The following POC1A variants were observed in gnomAD, a reference collection of about 807,000 sequenced individuals.
The protein encoded by POC1A is POC1 centriolar protein homolog A.
A neutral mutation model predicts 47.8 loss-of-function variants in POC1A; 34 were observed. The ratio of observed to expected loss-of-function variants is 0.71; its 90% CI spans 0.54 to 0.95. The LOEUF is 0.95. POC1A is among the 40% of genes least tolerant of loss of function. The probability of loss-of-function intolerance (pLI) is 0.00; values close to 1 mark genes in which losing one functional copy is unlikely to be tolerated. For missense variants in POC1A, 466 were observed against 528.3 expected, an observed-to-expected ratio of 0.88 and a Z score of 1.16; for synonymous variants, 177 against 207.6, an observed-to-expected ratio of 0.85 and a Z score of 1.27.
At chr3:52,125,328 G>T (rs766537972) in intron 7 of POC1A, 147 bp from the exon 8 acceptor site, 23 of 643,810 alleles carry the variant, frequency 3.6e-5, no homozygotes, top group Non-Finnish European at 5.6e-5. Context: ...GTAACCTGTA[G>T]CCCAGGAGCC....
At chr3:52,120,989 G>A (rs1703760624) in intron 9 of POC1A, among the ~76,000 whole-genome samples, 1 of 152,244 alleles carries the variant, frequency 6.6e-6, no homozygotes, top group Non-Finnish European at 1.5e-5. Context: ...GGGAAAAGCA[G>A]CCAGCAGTCC....
At chr3:52,108,632 A>C (rs1703270796) in intron 9 of POC1A, among the ~76,000 whole-genome samples, 1 of 152,174 alleles carries the variant, frequency 6.6e-6, no homozygotes, top group South Asian at 2.1e-4. Flanking sequence ...AAGCCTGCCA[A>C]GATAGATAAC....
At position 52,075,507 on chromosome 3, in the gene POC1A, G is replaced by A. The variant is rs1413257065; in HGVS notation, c.*380C>T. On this transcript the variant is annotated 3_prime_UTR_variant, in exon 11 of 11. Transcript: ENST00000296484. The stretch of plus-strand genomic sequence containing the variant: ...CTACACCATGGCAGAGGTAGGAAAA[G>A]CCAGTCACATGTCCAAATGATGAGT... 1 of 182,986 alleles carries A rather than the reference G, an allele frequency of 5.5e-6. No individual in the cohort carries two copies. Among genetic ancestry groups the A allele is most frequent in the African/African-American group, 2.3e-5 (1 of 43,162 alleles). 11.3% of individuals were successfully genotyped at this position (182,986 alleles called of 1,614,324 possible).
rs74654915 is a variant in POC1A at position 52,118,055 on chromosome 3, T to C, written c.981+4324A>G. 7.2e-3 allele frequency among the ~76,000 whole-genome samples: 1,093 copies of C among 152,160 alleles called. 14 individuals carry two copies. Among genetic ancestry groups the C allele is most frequent in the African/African-American group, 0.025 (1,033 of 41,502 alleles). ...GGAACAGAGCTAAGCACTAGACCCT[T>C]GAAAACACGAGCACGGGCACCCAAT... On this transcript the variant is annotated intron_variant, in intron 9 of 10. Transcript: ENST00000296484.
At chr3:52,100,308 T>C (rs534213473) in intron 9 of POC1A, among the ~76,000 whole-genome samples, 39 of 152,354 alleles carry the variant, frequency 2.6e-4, no homozygotes, top group South Asian at 2.1e-3. Context: ...TGGAGTTGAC[T>C]TCTTGAGAGG....
At chr3:52,133,816 C>A (rs1229087124) in intron 7 of POC1A, among the ~76,000 whole-genome samples, 3 of 152,192 alleles carry the variant, frequency 2.0e-5, no homozygotes, top group African/African-American at 7.2e-5. Flanking sequence ...AGCCCCCATG[C>A]CCAGGTCAAG....
intron 7 of POC1A, among the ~76,000 whole-genome samples, chr3:52,128,923 T>C (rs959591513): frequency 6.6e-6 from 1 of 152,248 alleles, no homozygotes; most frequent in African/African-American, 2.4e-5. Context: ...AGTCATTCAC[T>C]TCCAAATGTT....
chr3:52,107,229 T>C lies in POC1A; in HGVS notation c.982-10517A>G, dbSNP rs143942676. On this transcript the variant is annotated intron_variant, in intron 9 of 10. Coordinates refer to ENST00000296484, the MANE Select transcript of POC1A (RefSeq NM_015426.5). ...TTAGAAGCTGGAGCCCTCCAGGTCA[T>C]CACACTTGTTACAGTGAGAAATGCA... Among the ~76,000 whole-genome samples, 17 of 152,342 alleles carry C rather than the reference T, an allele frequency of 1.1e-4. No individual in the cohort carries two copies. In the East Asian group the frequency reaches 2.9e-3, roughly 26 times the overall value.
At chr3:52,086,716 A>G (rs558637466) in intron 10 of POC1A, among the ~76,000 whole-genome samples, 9 of 152,362 alleles carry the variant, frequency 5.9e-5, no homozygotes, top group Middle Eastern at 3.4e-3. Context: ...TCCTGGCCTC[A>G]GCCACCAACC....
intron 9 of POC1A, among the ~76,000 whole-genome samples, chr3:52,105,128 G>A (rs1401480439): frequency 6.6e-6 from 1 of 152,228 alleles, no homozygotes; most frequent in East Asian, 1.9e-4. Flanking sequence ...AGAAGAAGGT[G>A]ACCTGGGGCC....
At chr3:52,114,398 A>C (rs1395428503) in intron 9 of POC1A, among the ~76,000 whole-genome samples, 3 of 152,208 alleles carry the variant, frequency 2.0e-5, no homozygotes, top group Admixed American at 1.3e-4. Flanking sequence ...AGGGAGGTGC[A>C]CTTGACAGAG....
At chr3:52,108,290 C>T (rs1395184609) in intron 9 of POC1A, among the ~76,000 whole-genome samples, 1 of 152,194 alleles carries the variant, frequency 6.6e-6, no homozygotes, top group African/African-American at 2.4e-5. Context: ...GAATGTGTTG[C>T]TGTCATTACA....
At chr3:52,154,334 G>C (rs765652657) in intron 1 of POC1A, 21 bp downstream of exon 1, 1 of 1,561,444 alleles carries the variant, frequency 6.4e-7, no homozygotes. Context: ...GGCCTGGGGA[G>C]TTGCTCTCGG....
At chr3:52,150,351 C>A (rs1175059964) in intron 2 of POC1A, among the ~76,000 whole-genome samples, 1 of 152,208 alleles carries the variant, frequency 6.6e-6, no homozygotes. Flanking sequence ...GGGAAGCCAG[C>A]CCCTCCCATT....
chr3:52,125,053 T>C, intron 8 of POC1A, 60 bp downstream of exon 8: 4 of 1,349,524 alleles, frequency 3.0e-6, no homozygotes, highest in Non-Finnish European at 4.2e-6. Context: ...TGTTTGGTTC[T>C]GAGCAGAAAT....
At chr3:52,143,654 T>C (rs141587581) in intron 6 of POC1A, among the ~76,000 whole-genome samples, 43 of 152,230 alleles carry the variant, frequency 2.8e-4, no homozygotes, top group Non-Finnish European at 4.7e-4. Context: ...CTGCTTCTAC[T>C]CAACCTCTGC....
chr3:52,113,675 C>T (rs1344823758), intron 9 of POC1A, among the ~76,000 whole-genome samples: 1 of 152,192 alleles, frequency 6.6e-6, no homozygotes, highest in Non-Finnish European at 1.5e-5. Flanking sequence ...ACACTCCAGC[C>T]TGGGTGACAG....
intron 9 of POC1A, among the ~76,000 whole-genome samples, chr3:52,109,456 TTTTTGTTTTG>T (rs764154126): frequency 2.6e-5 from 4 of 151,986 alleles, no homozygotes; most frequent in African/African-American, 9.7e-5. Flanking sequence ...AATACAAAGG[TTTTTGTTTTG>T]TTTTGTTTTG....
At chr3:52,082,219 G>T (rs1702318947) in intron 10 of POC1A, among the ~76,000 whole-genome samples, 1 of 152,154 alleles carries the variant, frequency 6.6e-6, no homozygotes, top group Non-Finnish European at 1.5e-5. Context: ...GACCCACAAG[G>T]GCCCTGCAGG....
Sources: gnomAD v4.1 joint callset for allele counts (sites outside exome capture counted in the v4.1 genomes callset) on GRCh38, gnomAD v4.1.1 for gene constraint, MANE v1.5 for transcripts, NCBI Gene and HGNC (gene_info 2026-07-23, HGNC 2026-07-21) for gene names.